The following KYNU variants were observed in gnomAD, a reference collection of about 807,000 sequenced individuals.
KYNU encodes kynureninase.
KYNU carries 54 observed loss-of-function variants against 59.2 expected under a neutral mutation model. That is an observed-to-expected ratio of 0.91 (90% CI 0.73 to 1.14). The LOEUF is 1.14. Ranked by LOEUF, KYNU falls within the 50% of genes most tolerant of loss-of-function variation. The probability of loss-of-function intolerance (pLI) is 0.00; values close to 1 mark genes in which losing one functional copy is unlikely to be tolerated. For missense variants in KYNU, 567 were observed against 554.4 expected, an observed-to-expected ratio of 1.02 and a Z score of -0.23; for synonymous variants, 177 against 192.0, an observed-to-expected ratio of 0.92 and a Z score of 0.65.
Position 143,043,551 on chromosome 2 carries a change from T to C in KYNU, c.*1379T>C, listed in dbSNP as rs1687113196. The C allele has an allele frequency of 6.6e-6, 1 of 151,696 alleles. No individual in the cohort carries two copies. The highest frequency in any genetic ancestry group is 2.1e-4 in the South Asian group (1 of 4,822). The allele number at this position is 151,696 out of a possible 1,614,324, so 9.4% of individuals were successfully genotyped here. ...CTACCAATACCAGTAACTACTGATA[T>C]TTATCATGTACTTACCATGTACCAT... is the stretch of plus-strand genomic sequence containing the variant. On this transcript the variant is annotated 3_prime_UTR_variant, in exon 14 of 14. Transcript: ENST00000264170.
intron 2 of KYNU, among the ~76,000 whole-genome samples, chr2:142,911,065 C>T (rs562122878): frequency 1.2e-4 from 19 of 152,072 alleles, no homozygotes; most frequent in African/African-American, 4.1e-4. Context: ...TGGTCACATA[C>T]GAATTTTAGA....
chr2:142,888,828 C>A (rs1395444547), intron 2 of KYNU, among the ~76,000 whole-genome samples: 1 of 149,266 alleles, frequency 6.7e-6, no homozygotes, highest in Non-Finnish European at 1.5e-5. Flanking sequence ...GTTCAGAGAA[C>A]CAAAGAGCAA....
At chr2:142,897,476 T>C (rs1013823592) in intron 2 of KYNU, among the ~76,000 whole-genome samples, 1 of 152,242 alleles carries the variant, frequency 6.6e-6, no homozygotes, top group African/African-American at 2.4e-5. Flanking sequence ...AGTTTTATAA[T>C]TAGACAGTTG....
chr2:142,999,164 T>G (rs1441883764), intron 10 of KYNU, among the ~76,000 whole-genome samples: 1 of 152,166 alleles, frequency 6.6e-6, no homozygotes, highest in East Asian at 1.9e-4. Flanking sequence ...AAAAACCTGC[T>G]CCCGATGGTT....
At chr2:142,933,323 G>A (rs62169868) in intron 4 of KYNU, among the ~76,000 whole-genome samples, 9,998 of 152,166 alleles carry the variant, frequency 0.066, 489 homozygotes, top group South Asian at 0.089. Context: ...GTCTGGGAGA[G>A]TGAGGACAGG....
intron 10 of KYNU, chr2:142,989,387 A>G: frequency 1.0e-6 from 1 of 992,700 alleles, no homozygotes; most frequent in South Asian, 4.5e-5. Flanking sequence ...AGTGTCCAGT[A>G]TGTAGCCGAG....
At chr2:143,022,777 G>A (rs1273187138) in intron 10 of KYNU, among the ~76,000 whole-genome samples, 1 of 151,828 alleles carries the variant, frequency 6.6e-6, no homozygotes, top group Non-Finnish European at 1.5e-5. Flanking sequence ...ATCTAGATTT[G>A]TCAATTTAAG....
intron 4 of KYNU, among the ~76,000 whole-genome samples, chr2:142,934,338 G>T (rs1683318129): frequency 6.6e-6 from 1 of 152,134 alleles, no homozygotes; most frequent in Non-Finnish European, 1.5e-5. Context: ...ATAAGGAAAA[G>T]TTGCATGTTT....
chr2:142,885,998 A>G (rs999244806), intron 2 of KYNU, among the ~76,000 whole-genome samples: 1 of 152,230 alleles, frequency 6.6e-6, no homozygotes, highest in Non-Finnish European at 1.5e-5. Flanking sequence ...CCATCTTTGC[A>G]TGCTGTAAAG....
intron 11 of KYNU, among the ~76,000 whole-genome samples, chr2:143,031,579 C>G (rs1053999314): frequency 4.6e-5 from 7 of 152,152 alleles, no homozygotes; most frequent in South Asian, 4.1e-4. Context: ...CAGAAATTAG[C>G]CAGGAGTGGT....
intron 8 of KYNU, among the ~76,000 whole-genome samples, chr2:142,962,716 A>G (rs1008388124): frequency 2.0e-5 from 3 of 152,244 alleles, no homozygotes; most frequent in African/African-American, 7.2e-5. Flanking sequence ...ATGAAGAAGC[A>G]ATCAATACTA....
intron 5 of KYNU, among the ~76,000 whole-genome samples, chr2:142,955,987 G>A (rs1392944078): frequency 6.6e-6 from 1 of 152,038 alleles, no homozygotes; most frequent in Non-Finnish European, 1.5e-5. Flanking sequence ...CGAGTTTGCT[G>A]TTTCATTGAT....
At chr2:143,021,339 A>G (rs1447465319) in intron 10 of KYNU, among the ~76,000 whole-genome samples, 1 of 152,146 alleles carries the variant, frequency 6.6e-6, no homozygotes, top group African/African-American at 2.4e-5. Flanking sequence ...TCTTAATATT[A>G]TTTGTTTTCC....
At chr2:142,924,733 C>T (rs1477871974) in intron 3 of KYNU, among the ~76,000 whole-genome samples, 1 of 152,202 alleles carries the variant, frequency 6.6e-6, no homozygotes. Flanking sequence ...TCCTTTCCAG[C>T]ATTTGTAAAA....
At chr2:142,879,026 A>G (rs1681197879) in intron 1 of KYNU, among the ~76,000 whole-genome samples, 1 of 152,226 alleles carries the variant, frequency 6.6e-6, no homozygotes, top group Admixed American at 6.5e-5. Context: ...AAATTTGTAA[A>G]ATATGTAAAA....
chr2:142,987,701 T>C (rs567925331), intron 10 of KYNU, among the ~76,000 whole-genome samples: 1 of 151,954 alleles, frequency 6.6e-6, no homozygotes, highest in Admixed American at 6.6e-5. Context: ...AATGAGATGA[T>C]GTATGTAAAA....
intron 10 of KYNU, among the ~76,000 whole-genome samples, chr2:142,986,493 G>T (rs1685202974): frequency 6.6e-6 from 1 of 151,786 alleles, no homozygotes; most frequent in South Asian, 2.1e-4. Context: ...TGTCCTAAAA[G>T]ACTTTATAAT....
Position 143,055,512 on chromosome 2 carries a change from A to G in KYNU, c.*13340A>G, listed in dbSNP as rs1687337973. The stretch of plus-strand genomic sequence containing the variant: ...GGATTATCTCCCTATGTTAAGGTCA[A>G]TTGATTAGTGACCTAATTCCATCTA... On this transcript the variant is annotated 3_prime_UTR_variant, in exon 14 of 14. Transcript: ENST00000264170. The G allele has an allele frequency of 6.6e-6, 1 of 152,174 alleles. No homozygotes were observed. Among genetic ancestry groups the G allele is most frequent in the African/African-American group, 2.4e-5 (1 of 41,444 alleles). 9.4% of individuals were successfully genotyped at this position (152,174 alleles called of 1,614,324 possible).
intron 8 of KYNU, among the ~76,000 whole-genome samples, chr2:142,978,495 C>A (rs1336737031): frequency 6.6e-6 from 1 of 152,066 alleles, no homozygotes; most frequent in Non-Finnish European, 1.5e-5. Flanking sequence ...CCATCATTAG[C>A]CTATTAGAAG....
Sources: allele counts gnomAD v4.1 joint callset (sites outside exome capture counted in the v4.1 genomes callset), GRCh38; gene constraint gnomAD v4.1.1; transcripts MANE v1.5; gene names NCBI Gene and HGNC (gene_info 2026-07-23, HGNC 2026-07-21).